Variants in DNAH6 observed in about 807,000 individuals in gnomAD.
DNAH6 encodes dynein axonemal heavy chain 6.
A neutral mutation model predicts 491.4 loss-of-function variants in DNAH6; 340 were observed. The observed-to-expected ratio is 0.69, with a 90% confidence interval of 0.63 to 0.76. The LOEUF (loss-of-function observed/expected upper bound fraction) is 0.76. DNAH6 is among the 30% of genes least tolerant of loss of function. The pLI, the probability that DNAH6 is intolerant of heterozygous loss-of-function variation, is 0.00. For missense variants in DNAH6, 4,443 were observed against 4,972.2 expected (o/e 0.89, Z 3.20); for synonymous variants, 1,603 against 1,686.1 (o/e 0.95, Z 1.21).
chr2:84,472,087 C>A, the DNAH6 span, among the ~76,000 whole-genome samples: 1 of 152,114 alleles, frequency 6.6e-6, no homozygotes, highest in Non-Finnish European at 1.5e-5. Flanking sequence ...TTCCTTTTGT[C>A]CTGTCAGGTG....
chr2:84,515,051 A>G (rs1675500340), upstream of DNAH6, among the ~76,000 whole-genome samples: 1 of 152,200 alleles, frequency 6.6e-6, no homozygotes, highest in Non-Finnish European at 1.5e-5. Flanking sequence ...TTCACTGCAC[A>G]TCTGAAATGA....
chr2:84,787,081 A>G, intron 67 of DNAH6, 83 bp from the exon 68 acceptor site: 1 of 1,107,000 alleles, frequency 9.0e-7, no homozygotes, highest in Non-Finnish European at 1.3e-6. Flanking sequence ...TTTTCAATGG[A>G]AATTTCTTTT....
chr2:84,577,318 G>A lies in DNAH6; in HGVS notation c.1986G>A (p.Ala662=), dbSNP rs775847475. The stretch of plus-strand genomic sequence containing the variant: ...ACAAACAGCACAAGGACGCAGTAGC[G>A]CTCAGACCCACCAGAAATGTAGGAT... ...KYHKQHKDAV[A]LRPTRNVGLL... is the part of the protein sequence containing the mutation. Residue 662 remains alanine (A), a synonymous_variant, in exon 13 of 77, where the codon GCG becomes GCA. Transcript: ENST00000389394. 5.1e-5 allele frequency: 82 copies of A among 1,611,170 alleles called. No homozygotes were observed. In the Admixed American group the frequency reaches 5.4e-4, roughly 11 times the overall value.
At chr2:84,664,149 A>G (rs755870522) in intron 37 of DNAH6, among the ~76,000 whole-genome samples, 13 of 152,220 alleles carry the variant, frequency 8.5e-5, no homozygotes, top group Non-Finnish European at 1.9e-4. Context: ...AAAACATGCC[A>G]AATAGTAAAC....
rs80152596 is a variant in DNAH6 at position 84,738,601 on chromosome 2, T to C, written c.10342+5022T>C. 4.1e-3 allele frequency among the ~76,000 whole-genome samples: 620 copies of C among 152,286 alleles called. 3 individuals carry two copies. Among genetic ancestry groups the C allele is most frequent in the Non-Finnish European group, 7.3e-3 (496 of 67,992 alleles). On this transcript the variant is annotated intron_variant, in intron 62 of 76. Coordinates refer to ENST00000389394, the MANE Select transcript of DNAH6 (RefSeq NM_001370.2). ...AGCCCCTTATCATTATTTAATGCCCTTCTTTGTCCTTTTTTATTTTTGTTG... is the reference window on the plus strand; with the variant it reads ...AGCCCCTTATCATTATTTAATGCCCCTCTTTGTCCTTTTTTATTTTTGTTG...
intron 37 of DNAH6, among the ~76,000 whole-genome samples, chr2:84,661,653 T>G (rs1691519739): frequency 1.3e-5 from 2 of 152,200 alleles, no homozygotes; most frequent in African/African-American, 4.8e-5. Flanking sequence ...AAAACATCTG[T>G]ATAAATGGAG....
chr2:84,496,736 A>G, the DNAH6 span, among the ~76,000 whole-genome samples: 4 of 152,186 alleles, frequency 2.6e-5, no homozygotes, highest in Non-Finnish European at 2.9e-5. Context: ...TAAAATGCAC[A>G]TGTTCTAAGA....
At position 84,624,336 on chromosome 2, in the gene DNAH6, G is replaced by A. The variant is rs147825378; in HGVS notation, c.4143G>A (p.Leu1381=). ...TACACAGAAACATCCTAACTGCATT[G>A]ATTACTATTGATGTGCATGCAAGAG... ...PKLHRNILTA[L]ITIDVHARDI... is the part of the protein sequence containing the mutation. Residue 1381 remains leucine, a synonymous_variant, in exon 27 of 77, where the codon TTG becomes TTA. Coordinates refer to ENST00000389394, the MANE Select transcript of DNAH6 (RefSeq NM_001370.2). 4.9e-5 allele frequency: 76 copies of A among 1,551,328 alleles called. 1 individual carries two copies. In the African/African-American group the frequency reaches 8.1e-4, roughly 16 times the overall value.
At chr2:84,551,368 T>C (rs1679343236) in intron 9 of DNAH6, among the ~76,000 whole-genome samples, 1 of 145,124 alleles carries the variant, frequency 6.9e-6, no homozygotes, top group Non-Finnish European at 1.5e-5. Flanking sequence ...AAAAGCACCT[T>C]TGCTACCCAA....
At chr2:84,540,207 C>T (rs1436905944) in intron 4 of DNAH6, among the ~76,000 whole-genome samples, 1 of 152,086 alleles carries the variant, frequency 6.6e-6, no homozygotes, top group Non-Finnish European at 1.5e-5. Context: ...TGTATGCATT[C>T]AAGCATGGCC....
At chr2:84,538,822 CTTTTTAGGCAGCT>C (rs1677961990) in intron 4 of DNAH6, among the ~76,000 whole-genome samples, 1 of 151,990 alleles carries the variant, frequency 6.6e-6, no homozygotes, top group African/African-American at 2.4e-5. Context: ...GTTAAAAGTA[CTTTTTAGGCAGCT>C]TTTAAAATCT....
At chr2:84,652,209 C>A (rs1377995524) in intron 33 of DNAH6, among the ~76,000 whole-genome samples, 2 of 151,968 alleles carry the variant, frequency 1.3e-5, no homozygotes, top group Admixed American at 1.3e-4. Context: ...TAGATTAAAT[C>A]AAATTGTCTT....
chr2:84,665,448 A>G (rs1178414596), intron 37 of DNAH6, among the ~76,000 whole-genome samples: 7 of 152,190 alleles, frequency 4.6e-5, no homozygotes, highest in African/African-American at 1.7e-4. Flanking sequence ...AATACAAACT[A>G]CGATCAGAGA....
intron 2 of DNAH6, among the ~76,000 whole-genome samples, chr2:84,521,051 T>G (rs989755785): frequency 6.6e-6 from 1 of 152,138 alleles, no homozygotes; most frequent in Non-Finnish European, 1.5e-5. Context: ...ATATTACAAA[T>G]AAATACAATA....
intron 36 of DNAH6, 41 bp from the exon 37 acceptor site, chr2:84,658,985 C>T (rs1339857134): frequency 1.7e-6 from 2 of 1,198,592 alleles, no homozygotes; most frequent in Admixed American, 2.9e-5. Context: ...TTTTTATGTT[C>T]ATATATAAAA....
intron 18 of DNAH6, among the ~76,000 whole-genome samples, chr2:84,601,400 G>A (rs983555593): frequency 6.6e-6 from 1 of 151,838 alleles, no homozygotes; most frequent in Non-Finnish European, 1.5e-5. Flanking sequence ...TTCTGTTGTT[G>A]GACATGTGCA....
chr2:84,671,623 A>T (rs969309660), intron 39 of DNAH6, among the ~76,000 whole-genome samples: 1 of 152,162 alleles, frequency 6.6e-6, no homozygotes, highest in African/African-American at 2.4e-5. Context: ...ACAAAGGTTT[A>T]TCTTAGACCC....
intron 27 of DNAH6, 26 bp from the exon 28 acceptor site, chr2:84,624,439 G>A (rs2104417380): frequency 1.9e-6 from 3 of 1,549,030 alleles, no homozygotes; most frequent in East Asian, 4.9e-5. Flanking sequence ...TGAAATTAGT[G>A]TATCTAATAT....
At chr2:84,479,714 C>T in the DNAH6 span, among the ~76,000 whole-genome samples, 1 of 152,298 alleles carries the variant, frequency 6.6e-6, no homozygotes, top group East Asian at 1.9e-4. Context: ...AAGTAGGGCC[C>T]TGGGGCCTAT....
Sources: gnomAD v4.1 joint callset for allele counts (sites outside exome capture counted in the v4.1 genomes callset) on GRCh38, gnomAD v4.1.1 for gene constraint, MANE v1.5 for transcripts, NCBI Gene and HGNC (gene_info 2026-07-23, HGNC 2026-07-21) for gene names.